IGF2BP3: variants seen among roughly 807,000 people sequenced by gnomAD.
IGF2BP3 encodes insulin-like growth factor 2 mRNA-binding protein 3.
IGF2BP3 carries 9 observed loss-of-function variants against 73.8 expected under a neutral mutation model. The observed-to-expected ratio is 0.12, with a 90% confidence interval of 0.07 to 0.21. The LOEUF (loss-of-function observed/expected upper bound fraction) is 0.21, where lower values mean the gene tolerates loss of function less well. Ranked by LOEUF, IGF2BP3 falls within the 10% of genes least tolerant of loss-of-function variation. The probability of loss-of-function intolerance (pLI) is 1.00; values close to 1 mark genes in which losing one functional copy is unlikely to be tolerated. For missense variants in IGF2BP3, 542 were observed against 714.0 expected, an observed-to-expected ratio of 0.76 and a Z score of 2.75; for synonymous variants, 258 against 256.7, an observed-to-expected ratio of 1.01 and a Z score of -0.05.
Position 23,310,278 on chromosome 7 carries a change from A to G in IGF2BP3, c.*2084T>C, listed in dbSNP as rs1430889367. ...GAAAATGAAGCTGCATTTGGGGCAC[A>G]TTATACATGAGGAATGATCCATATA... On this transcript the variant is annotated 3_prime_UTR_variant, in exon 15 of 15. Coordinates refer to ENST00000258729, the MANE Select transcript of IGF2BP3 (RefSeq NM_006547.3). 6.6e-6 allele frequency: 1 copy of G among 152,264 alleles called. No individual in the cohort carries two copies. The highest frequency in any genetic ancestry group is 1.5e-5 in the Non-Finnish European group (1 of 68,052). The allele number at this position is 152,264 out of a possible 1,614,324, so 9.4% of individuals were successfully genotyped here. A position where few individuals can be genotyped will look rare whatever the true frequency, so the allele number is the denominator to read the frequency against.
At position 23,360,834 on chromosome 7, in the gene IGF2BP3, C is replaced by T. The variant is rs1245464245; in HGVS notation, c.401+700G>A. On this transcript the variant is annotated intron_variant, in intron 5 of 14. Coordinates refer to ENST00000258729, the MANE Select transcript of IGF2BP3 (RefSeq NM_006547.3). ...TTCCATAGTTAGCTAACACCCAGTG[C>T]TGTGCTACTGAGCACTTTGTATGCC... Among the ~76,000 whole-genome samples, 3 of 152,198 alleles carry T rather than the reference C, an allele frequency of 2.0e-5. No individual in the cohort carries two copies. The East Asian group carries it at 5.8e-4, about 29-fold the overall frequency.
At chr7:23,439,364 C>T (rs1056197496) in intron 2 of IGF2BP3, among the ~76,000 whole-genome samples, 1 of 151,470 alleles carries the variant, frequency 6.6e-6, no homozygotes, top group South Asian at 2.1e-4. Context: ...ACCATCCTGG[C>T]TAACACGGTG....
At position 23,323,010 on chromosome 7, in the gene IGF2BP3, G is replaced by C. The variant is rs568454947; in HGVS notation, c.1204-3756C>G. ...CATCAAGACTAGGAAGAAACTGCATGAACTAACGAGCAAAATAACCAGCTA... is the reference window on the plus strand; with the variant it reads ...CATCAAGACTAGGAAGAAACTGCATCAACTAACGAGCAAAATAACCAGCTA... On this transcript the variant is annotated intron_variant, in intron 10 of 14. Coordinates refer to ENST00000258729, the MANE Select transcript of IGF2BP3 (RefSeq NM_006547.3). Among the ~76,000 whole-genome samples the C allele has an allele frequency of 7.6e-4, 115 of 152,202 alleles. 1 individual carries two copies. The highest frequency in any genetic ancestry group is 5.4e-3 in the East Asian group (28 of 5,176).
In IGF2BP3 at chr7:23,355,989, G is replaced by A. The variant is rs144449361; in HGVS notation, c.402-4403C>T. ...TAGATCACAATTTAGAGCTGAATGG[G>A]CCTCAATAGAGACAATAAATAGTTC... is the stretch of plus-strand genomic sequence containing the variant. On this transcript the variant is annotated intron_variant, in intron 5 of 14. Transcript: ENST00000258729. Among the ~76,000 whole-genome samples the A allele has an allele frequency of 1.5e-3, 228 of 151,718 alleles. 2 individuals carry two copies. The highest frequency in any genetic ancestry group is 5.4e-3 in the African/African-American group (221 of 41,292).
intron 10 of IGF2BP3, among the ~76,000 whole-genome samples, chr7:23,331,005 G>A (rs566854595): frequency 2.1e-4 from 32 of 152,164 alleles, no homozygotes; most frequent in African/African-American, 7.7e-4. Flanking sequence ...TACCATGTTG[G>A]CCAGGCTGGT....
At chr7:23,346,646 G>A (rs1332970999) in intron 7 of IGF2BP3, among the ~76,000 whole-genome samples, 1 of 150,824 alleles carries the variant, frequency 6.6e-6, no homozygotes, top group Non-Finnish European at 1.5e-5. Context: ...AGGCAGGCGT[G>A]CAGTGGCGCG....
intron 6 of IGF2BP3, among the ~76,000 whole-genome samples, 200 bp downstream of exon 6, chr7:23,351,105 C>A (rs1369809418): frequency 6.6e-6 from 1 of 152,114 alleles, no homozygotes; most frequent in Non-Finnish European, 1.5e-5. Flanking sequence ...ATCTGACGTT[C>A]CCTTTGAGAA....
chr7:23,373,823 G>C (rs1785635547), intron 3 of IGF2BP3, among the ~76,000 whole-genome samples: 2 of 152,162 alleles, frequency 1.3e-5, no homozygotes, highest in Admixed American at 1.3e-4. Context: ...TAAATGGCTT[G>C]GTGCCATCCT....
At chr7:23,454,250 C>A (rs182828376) in intron 2 of IGF2BP3, among the ~76,000 whole-genome samples, 1 of 152,248 alleles carries the variant, frequency 6.6e-6, no homozygotes. Context: ...CTATTATTTC[C>A]TTTACGTATG....
chr7:23,456,225 A>G (rs1388089995), intron 2 of IGF2BP3, among the ~76,000 whole-genome samples: 3 of 152,126 alleles, frequency 2.0e-5, no homozygotes, highest in Non-Finnish European at 2.9e-5. Context: ...GCTGGAAAAA[A>G]AAAAAAGACA....
At chr7:23,415,182 AG>A (rs1787149082) in intron 3 of IGF2BP3, 1 of 221,870 alleles carries the variant, frequency 4.5e-6, no homozygotes, top group Non-Finnish European at 9.1e-6. Context: ...CCCGTCCGTC[AG>A]TCGGCTTCAC....
chr7:23,330,029 T>C (rs1474586175), intron 10 of IGF2BP3, among the ~76,000 whole-genome samples: 1 of 152,110 alleles, frequency 6.6e-6, no homozygotes, highest in Non-Finnish European at 1.5e-5. Flanking sequence ...CTCACGCCTG[T>C]AATCCCAGCA....
At chr7:23,380,157 C>CTTT (rs10571084) in intron 3 of IGF2BP3, among the ~76,000 whole-genome samples, 71 of 71,792 alleles carry the variant, frequency 9.9e-4, no homozygotes, top group Non-Finnish European at 1.4e-3. Flanking sequence ...CACTATGCCT[C>CTTT]TTTTTTTTTT....
intron 3 of IGF2BP3, among the ~76,000 whole-genome samples, chr7:23,378,652 C>T (rs1785808168): frequency 7.1e-6 from 1 of 140,534 alleles, no homozygotes; most frequent in South Asian, 2.3e-4. Flanking sequence ...TGGCTTACTG[C>T]CACCTCCGCC....
intron 6 of IGF2BP3, among the ~76,000 whole-genome samples, chr7:23,350,601 G>A (rs1294335809): frequency 2.6e-5 from 4 of 152,208 alleles, no homozygotes; most frequent in Non-Finnish European, 5.9e-5. Context: ...ACACATGAAA[G>A]GCTTCAAACA....
chr7:23,313,186 T>G (rs888079350), intron 13 of IGF2BP3, among the ~76,000 whole-genome samples: 15 of 152,244 alleles, frequency 9.9e-5, no homozygotes, highest in African/African-American at 3.4e-4. Context: ...TTTGCTTTTT[T>G]TCCATTACAG....
At chr7:23,403,261 T>C (rs754044692) in intron 3 of IGF2BP3, among the ~76,000 whole-genome samples, 49 of 152,320 alleles carry the variant, frequency 3.2e-4, no homozygotes, top group Non-Finnish European at 6.0e-4. Flanking sequence ...ATTATTCCTG[T>C]CTCAACACCA....
intron 10 of IGF2BP3, among the ~76,000 whole-genome samples, chr7:23,338,060 C>A (rs1030736768): frequency 1.3e-5 from 2 of 152,014 alleles, no homozygotes; most frequent in Admixed American, 1.3e-4. Flanking sequence ...CAAACCTAAT[C>A]CTGATACATG....
intron 9 of IGF2BP3, among the ~76,000 whole-genome samples, chr7:23,342,564 G>T (rs371250669): frequency 1.3e-5 from 2 of 152,214 alleles, no homozygotes; most frequent in South Asian, 2.1e-4. Context: ...AGTAAGATTG[G>T]TTCATTGAAA....
Sources: gnomAD v4.1 joint callset for allele counts (sites outside exome capture counted in the v4.1 genomes callset) on GRCh38, gnomAD v4.1.1 for gene constraint, MANE v1.5 for transcripts, NCBI Gene and HGNC (gene_info 2026-07-23, HGNC 2026-07-21) for gene names.